The following CCDC43 variants were observed in gnomAD, a reference collection of about 807,000 sequenced individuals.
The protein encoded by CCDC43 is coiled-coil domain-containing protein 43.
CCDC43 carries 20 observed loss-of-function variants against 33.3 expected under a neutral mutation model. That is an observed-to-expected ratio of 0.60 (90% CI 0.42 to 0.87). The LOEUF is 0.87. CCDC43 is among the 40% of genes least tolerant of loss of function. The pLI, the probability that CCDC43 is intolerant of heterozygous loss-of-function variation, is 0.00. For missense variants in CCDC43, 248 were observed against 269.9 expected (o/e 0.92, Z 0.57); for synonymous variants, 104 against 106.5 (o/e 0.98, Z 0.14).
At chr17:44,684,589 C>T (rs1004804678) in intron 1 of CCDC43, among the ~76,000 whole-genome samples, 1 of 151,296 alleles carries the variant, frequency 6.6e-6, no homozygotes, top group East Asian at 1.9e-4. Flanking sequence ...TCACAGTACT[C>T]GGGAGGCTGA....
At position 44,687,337 on chromosome 17, in the gene CCDC43, G is replaced by C. The variant is rs372423308; in HGVS notation, c.204+2213C>G. Among the ~76,000 whole-genome samples, 8 of 152,018 alleles carry C rather than the reference G, an allele frequency of 5.3e-5. No homozygotes were observed. In the East Asian group the frequency reaches 5.8e-4, roughly 11 times the overall value. On this transcript the variant is annotated intron_variant, in intron 1 of 4. Transcript: ENST00000315286. ...ATATGCCTGTAATCCCAGCTACTCG[G>C]GAGGCTGAGAATCACCTGAACCCAG...
In CCDC43 at chr17:44,689,671, C is replaced by G; in HGVS notation, c.83G>C (p.Gly28Ala). The G allele has an allele frequency of 2.5e-6, 4 of 1,612,686 alleles. No homozygotes were observed. Among genetic ancestry groups the G allele is most frequent in the Non-Finnish European group, 1.7e-6 (2 of 1,179,448 alleles). The change falls in exon 1 of 5, where the codon GGA (glycine) becomes GCA (alanine). Residue 28 changes from glycine to alanine, a missense_variant. By Grantham distance (60) the Gly-to-Ala change is moderately conservative. Transcript: ENST00000315286. ...GGGGFGSWLD[G>A]RLEALGVDRA... ...GTCCACTCCCAGTGCCTCCAACCGT[C>G]CGTCCAGCCAGGAGCCAAAGCCGCC...
At chr17:44,689,003 C>G (rs1415263634) in intron 1 of CCDC43, 1 of 156,506 alleles carries the variant, frequency 6.4e-6, no homozygotes, top group Non-Finnish European at 1.4e-5. Context: ...TGTAATGGAT[C>G]AAGCACGACG....
chr17:44,682,253 G>C, intron 2 of CCDC43, 115 bp from the exon 3 acceptor site: 2 of 1,264,530 alleles, frequency 1.6e-6, no homozygotes, highest in East Asian at 2.3e-5. Context: ...TGCCTCCTTA[G>C]AGCCTGGCAG....
At chr17:44,689,459 T>C in intron 1 of CCDC43, 91 bp downstream of exon 1, 2 of 1,554,430 alleles carry the variant, frequency 1.3e-6, no homozygotes, top group Non-Finnish European at 1.7e-6. Context: ...ACTGAGCCTC[T>C]GGGATACCCG....
chr17:44,689,637 A>G lies in CCDC43; in HGVS notation c.117T>C (p.Val39=). 1 of 1,613,406 alleles carries G rather than the reference A, an allele frequency of 6.2e-7. No individual in the cohort carries two copies. The highest frequency in any genetic ancestry group is 8.5e-7 in the Non-Finnish European group (1 of 1,179,676). The change falls in exon 1 of 5, where the codon GTT becomes GTC. Residue 39 remains valine, a synonymous_variant. Coordinates refer to ENST00000315286, the MANE Select transcript of CCDC43 (RefSeq NM_144609.3). ...GGATACCCAAGATGTAGGCTCCATA[A>G]ACGGCTCGGTCCACTCCCAGTGCCT... ...RLEALGVDRA[V]YGAYILGILQ...
At position 44,689,626 on chromosome 17, in the gene CCDC43, T is replaced by C. The variant is rs1283682856; in HGVS notation, c.128A>G (p.Tyr43Cys). Residue 43 changes from tyrosine (Y) to cysteine (C), a missense_variant, in exon 1 of 5, where the codon TAC (tyrosine) becomes TGC (cysteine). By Grantham distance (194) the Tyr-to-Cys change is radical. Coordinates refer to ENST00000315286, the MANE Select transcript of CCDC43 (RefSeq NM_144609.3). Reference sequence around the variant, plus strand: ...CTCCTCCTGCAGGATACCCAAGATGTAGGCTCCATAAACGGCTCGGTCCAC... The same window carrying C: ...CTCCTCCTGCAGGATACCCAAGATGCAGGCTCCATAAACGGCTCGGTCCAC... Reference protein sequence around the residue: ...LGVDRAVYGAYILGILQEEEE... With the variant: ...LGVDRAVYGACILGILQEEEE... 1.2e-6 allele frequency: 2 copies of C among 1,613,982 alleles called. No individual in the cohort carries two copies. Among genetic ancestry groups the C allele is most frequent in the Non-Finnish European group, 1.7e-6 (2 of 1,179,868 alleles).
intron 4 of CCDC43, among the ~76,000 whole-genome samples, chr17:44,679,538 C>T (rs1288388350): frequency 6.6e-6 from 1 of 152,142 alleles, no homozygotes; most frequent in Non-Finnish European, 1.5e-5. Context: ...TGTTCCTAGA[C>T]TACTAAAGCT....
At chr17:44,683,119 C>G (rs965021744) in intron 2 of CCDC43, among the ~76,000 whole-genome samples, 4 of 152,172 alleles carry the variant, frequency 2.6e-5, no homozygotes, top group Non-Finnish European at 5.9e-5. Flanking sequence ...TTTGAGTTTT[C>G]TGTACCTAAT....
rs1156877289 is a variant in CCDC43 at position 44,678,829 on chromosome 17, G to T, written c.*27C>A. On this transcript the variant is annotated 3_prime_UTR_variant, in exon 5 of 5. Transcript: ENST00000315286. ...CCAGTTCTCCCTTTGATAAGTTCATGGGGGGAAAGAATAGAGTAGGCCAAG... is the reference window on the plus strand; with the variant it reads ...CCAGTTCTCCCTTTGATAAGTTCATTGGGGGAAAGAATAGAGTAGGCCAAG... 6.3e-7 allele frequency: 1 copy of T among 1,598,058 alleles called. No homozygotes were observed. Among genetic ancestry groups the T allele is most frequent in the Non-Finnish European group, 8.5e-7 (1 of 1,171,048 alleles).
intron 4 of CCDC43, 111 bp from the exon 5 acceptor site, chr17:44,679,154 T>C (rs1972120430): frequency 1.1e-5 from 8 of 715,518 alleles, no homozygotes; most frequent in East Asian, 2.9e-5. Context: ...ATCGTCTTTA[T>C]CTATTCCTGG....
intron 4 of CCDC43, among the ~76,000 whole-genome samples, chr17:44,679,980 A>G (rs1972133728): frequency 6.6e-6 from 1 of 151,732 alleles, no homozygotes; most frequent in Non-Finnish European, 1.5e-5. Flanking sequence ...TTTCAACATT[A>G]TTTTATTATT....
rs192303078 is a variant in CCDC43, at chr17:44,678,779, A to C, written c.*77T>G. The C allele has an allele frequency of 1.6e-4, 226 of 1,394,790 alleles. No individual in the cohort carries two copies. The East Asian group carries it at 4.6e-3, about 28-fold the overall frequency. 86.4% of individuals were successfully genotyped at this position (1,394,790 alleles called of 1,614,324 possible). A position where few individuals can be genotyped will look rare whatever the true frequency, so the allele number is the denominator to read the frequency against. ...GCCTTGGGAAACTACTTTGCAATGC[A>C]CTCTCATTTCTCTTAAATACACAAC... On this transcript the variant is annotated 3_prime_UTR_variant, in exon 5 of 5. Transcript: ENST00000315286.
At chr17:44,684,340 G>C (rs1972203829) in intron 1 of CCDC43, among the ~76,000 whole-genome samples, 1 of 152,082 alleles carries the variant, frequency 6.6e-6, no homozygotes, top group Non-Finnish European at 1.5e-5. Context: ...TCACATTGTA[G>C]AATAATTAAA....
In CCDC43 at chr17:44,678,889, T is replaced by C. The variant is rs756286074; in HGVS notation, c.642A>G (p.Lys214=). The change falls in exon 5 of 5, where the codon AAA becomes AAG. Residue 214 remains lysine (K), a synonymous_variant. Coordinates refer to ENST00000315286, the MANE Select transcript of CCDC43 (RefSeq NM_144609.3). ...LAKQERKEKE[K]KRTQRGERKR ...TTCGCTCCCCTCTCTGTGTCCTTTT[T>C]TTTTCCTTTTCCTTGCGCTCCTGCT... is the stretch of plus-strand genomic sequence containing the variant. 14 of 1,613,886 alleles carry C rather than the reference T, an allele frequency of 8.7e-6. No homozygotes were observed. Among genetic ancestry groups the C allele is most frequent in the East Asian group, 4.5e-5 (2 of 44,886 alleles).
intron 4 of CCDC43, among the ~76,000 whole-genome samples, chr17:44,680,005 C>T (rs1303198315): frequency 1.3e-5 from 2 of 152,048 alleles, no homozygotes; most frequent in Admixed American, 1.3e-4. Flanking sequence ...GAGACACAGT[C>T]TCACTCTCAT....
rs200950161 is a variant in CCDC43 at position 44,678,990 on chromosome 17, G to T, written c.541C>A (p.Arg181=). 1 of 1,613,356 alleles carries T rather than the reference G, an allele frequency of 6.2e-7. No individual in the cohort carries two copies. The highest frequency in any genetic ancestry group is 1.3e-5 in the African/African-American group (1 of 74,830). Residue 181 remains arginine, a synonymous_variant, in exon 5 of 5, where the codon CGA becomes AGA. Coordinates refer to ENST00000315286, the MANE Select transcript of CCDC43 (RefSeq NM_144609.3). ...EDVLNARKLE[R]DSLRDESQRK... ...TGGGATTCATCCCGAAGTGAGTCTC[G>T]CTCCAGTTTTCGGGCATTAAGGACA...
intron 1 of CCDC43, chr17:44,689,203 C>G (rs1598736983): frequency 3.2e-6 from 1 of 315,816 alleles, no homozygotes; most frequent in East Asian, 7.9e-5. Context: ...ACACTGTAAA[C>G]GGATGGAAAT....
chr17:44,688,052 C>A (rs1972266658), intron 1 of CCDC43: 1 of 152,196 alleles, frequency 6.6e-6, no homozygotes, highest in Non-Finnish European at 1.5e-5. Flanking sequence ...GCACTTGTTT[C>A]CGCTTTCACA....
Sources: allele counts gnomAD v4.1 joint callset (sites outside exome capture counted in the v4.1 genomes callset), GRCh38; gene constraint gnomAD v4.1.1; transcripts MANE v1.5; gene names NCBI Gene and HGNC (gene_info 2026-07-23, HGNC 2026-07-21).